Variants in LNPK observed in about 807,000 individuals in gnomAD.
The protein encoded by LNPK is lunapark, ER junction formation factor.
Under a neutral mutation model 55.2 loss-of-function variants are expected in LNPK, and 29 were observed. That is an observed-to-expected ratio of 0.53 (90% CI 0.39 to 0.72). LNPK has a LOEUF of 0.72. Ranked by LOEUF, LNPK falls within the 30% of genes least tolerant of loss-of-function variation. The probability of loss-of-function intolerance (pLI) is 0.00; values close to 1 mark genes in which losing one functional copy is unlikely to be tolerated. For missense variants in LNPK, 467 were observed against 494.8 expected (o/e 0.94, Z 0.53); for synonymous variants, 162 against 168.2 (o/e 0.96, Z 0.29).
intron 8 of LNPK, among the ~76,000 whole-genome samples, chr2:175,960,690 G>A (rs1387980948): frequency 6.6e-6 from 1 of 152,044 alleles, no homozygotes; most frequent in Non-Finnish European, 1.5e-5. Context: ...GCTAGCAGAA[G>A]GCTAGAAATA....
Position 175,987,340 on chromosome 2 carries a change from G to T in LNPK, c.257+4891C>A, listed in dbSNP as rs141057681. On this transcript the variant is annotated intron_variant, in intron 4 of 12. Transcript: ENST00000272748. ...CATATACACCACGGAATACTATGCAGCCATAAAAAATGATGAGTTCATGTC... is the reference window on the plus strand; with the variant it reads ...CATATACACCACGGAATACTATGCATCCATAAAAAATGATGAGTTCATGTC... Among the ~76,000 whole-genome samples the T allele has an allele frequency of 1.6e-4, 25 of 152,260 alleles. 2 individuals carry two copies. The East Asian group carries it at 4.8e-3, about 29-fold the overall frequency.
chr2:175,943,376 TACTC>T (rs1684955374), intron 9 of LNPK, among the ~76,000 whole-genome samples: 2 of 151,946 alleles, frequency 1.3e-5, no homozygotes, highest in Admixed American at 6.6e-5. Flanking sequence ...AGGGAATACT[TACTC>T]ATAACGTTAT....
At chr2:175,978,166 AAAT>A (rs1183775494) in intron 5 of LNPK, among the ~76,000 whole-genome samples, 1 of 152,236 alleles carries the variant, frequency 6.6e-6, no homozygotes, top group Non-Finnish European at 1.5e-5. Flanking sequence ...AAAAAATTAA[AAAT>A]AACAACAATA....
chr2:175,962,109 G>A (rs1686066132), intron 8 of LNPK, among the ~76,000 whole-genome samples: 1 of 152,096 alleles, frequency 6.6e-6, no homozygotes, highest in African/African-American at 2.4e-5. Context: ...AATCAATATC[G>A]TGAAAATGGA....
chr2:175,955,073 G>A (rs1195936641), intron 8 of LNPK, among the ~76,000 whole-genome samples: 1 of 152,168 alleles, frequency 6.6e-6, no homozygotes, highest in Non-Finnish European at 1.5e-5. Flanking sequence ...GATAAACAAT[G>A]AAAACTGGAT....
chr2:175,985,616 A>G (rs373741436), intron 4 of LNPK, among the ~76,000 whole-genome samples: 1 of 152,314 alleles, frequency 6.6e-6, no homozygotes, highest in African/African-American at 2.4e-5. Context: ...TCTCAGTGAT[A>G]TATGTTCCAT....
intron 4 of LNPK, among the ~76,000 whole-genome samples, chr2:175,991,879 T>G (rs1194804395): frequency 2.0e-5 from 3 of 152,172 alleles, no homozygotes; most frequent in African/African-American, 7.2e-5. Flanking sequence ...TCAGAATAAT[T>G]TGAGCAGTTA....
In LNPK at chr2:175,927,807, T is replaced by A. The variant is rs1180184689; in HGVS notation, c.*2160A>T. The A allele has an allele frequency of 6.9e-6, 1 of 145,892 alleles. No homozygotes were observed. Among genetic ancestry groups the A allele is most frequent in the Non-Finnish European group, 1.5e-5 (1 of 64,850 alleles). The allele number at this position is 145,892 out of a possible 1,614,324, so 9.0% of individuals were successfully genotyped here. On this transcript the variant is annotated 3_prime_UTR_variant, in exon 13 of 13. Coordinates refer to ENST00000272748, the MANE Select transcript of LNPK (RefSeq NM_030650.3). ...TATAATAATAATGAAAATAAGCTTTTGTATCTAAAAGGATACTATATGGTT... is the reference window on the plus strand; with the variant it reads ...TATAATAATAATGAAAATAAGCTTTAGTATCTAAAAGGATACTATATGGTT...
chr2:175,934,410 T>G (rs891644427), intron 12 of LNPK, among the ~76,000 whole-genome samples: 2 of 152,198 alleles, frequency 1.3e-5, no homozygotes, highest in Non-Finnish European at 2.9e-5. Flanking sequence ...CTATTTTTGA[T>G]AGTATTGATT....
chr2:175,967,898 A>G (rs986282862), intron 6 of LNPK: 36 of 345,228 alleles, frequency 1.0e-4, no homozygotes, highest in Non-Finnish European at 2.5e-5. Context: ...TAAGAACTCT[A>G]TAGAGAATAA....
chr2:175,977,631 T>C (rs1686970083), intron 5 of LNPK, among the ~76,000 whole-genome samples: 1 of 152,196 alleles, frequency 6.6e-6, no homozygotes, highest in South Asian at 2.1e-4. Flanking sequence ...AGCTGATTAC[T>C]GGCTTTGACA....
At chr2:175,932,243 C>A in intron 12 of LNPK, 4 of 447,672 alleles carry the variant, frequency 8.9e-6, no homozygotes, top group South Asian at 6.3e-5. Flanking sequence ...ATAGACTTTA[C>A]TAGTCAAAGC....
chr2:175,995,753 A>T, intron 1 of LNPK, 107 bp from the exon 2 acceptor site: 1 of 289,142 alleles, frequency 3.5e-6, no homozygotes, highest in Non-Finnish European at 6.7e-6. Context: ...ATTTATTTGG[A>T]TGCCACATAT....
At chr2:175,958,792 C>G (rs778511534) in intron 8 of LNPK, among the ~76,000 whole-genome samples, 1 of 152,072 alleles carries the variant, frequency 6.6e-6, no homozygotes, top group African/African-American at 2.4e-5. Context: ...GGAGGATGTT[C>G]GAACCCATCG....
In LNPK at chr2:175,941,849, AAC is replaced by A. The variant is rs1261403797; in HGVS notation, c.707-2194_707-2193del. Among the ~76,000 whole-genome samples, 11 of 137,690 alleles carry A rather than the reference AAC, an allele frequency of 8.0e-5. No individual in the cohort carries two copies. In the South Asian group the frequency reaches 2.3e-3, roughly 29 times the overall value. The allele number at this position is 137,690 out of a possible 152,430, so 90.3% of individuals were successfully genotyped here. A position where few individuals can be genotyped will look rare whatever the true frequency, so the allele number is the denominator to read the frequency against. Reference sequence around the variant, plus strand: ...AGAGAGAGAAATCTTAAAAAAAAAAAACAAAAAAAAAATACATTATGTACAGA... The same window carrying A: ...AGAGAGAGAAATCTTAAAAAAAAAAAAAAAAAAAAATACATTATGTACAGA... On this transcript the variant is annotated intron_variant, in intron 9 of 12. Transcript: ENST00000272748.
In LNPK at chr2:175,979,813, T is replaced by C. The variant is rs1157908754; in HGVS notation, c.313A>G (p.Asn105Asp). ...IFFFSKRTER[N>D]NEALDDLKSQ... is the part of the protein sequence containing the mutation. ...TAAAAATTGGAATTAAACTTACTATTTCTTTCTGTTCTCTTGGAAAAGAAG... is the reference window on the plus strand; with the variant it reads ...TAAAAATTGGAATTAAACTTACTATCTCTTTCTGTTCTCTTGGAAAAGAAG... Residue 105 changes from asparagine to aspartate, a missense_variant, in exon 5 of 13, where the codon AAT becomes GAT. Physicochemically the swap from Asn to Asp is conservative, Grantham distance 23. Transcript: ENST00000272748. 6.4e-7 allele frequency: 1 copy of C among 1,567,446 alleles called. No homozygotes were observed. Among genetic ancestry groups the C allele is most frequent in the African/African-American group, 1.4e-5 (1 of 72,894 alleles).
intron 3 of LNPK, among the ~76,000 whole-genome samples, chr2:175,992,624 C>CAA (rs573909602): frequency 1.0e-3 from 155 of 152,088 alleles, no homozygotes; most frequent in African/African-American, 3.3e-3. Flanking sequence ...CTTATTCTAA[C>CAA]ATCATTTTTA....
intron 4 of LNPK, among the ~76,000 whole-genome samples, chr2:175,981,704 G>A (rs1318719102): frequency 6.6e-6 from 1 of 152,176 alleles, no homozygotes; most frequent in Non-Finnish European, 1.5e-5. Flanking sequence ...TAACAGCAGA[G>A]GGAGTAAAGA....
In LNPK at chr2:175,925,670, T is replaced by G. The variant is rs1683980704; in HGVS notation, c.*4297A>C. ...GTGGCAGATTCATTTTCTTTCTTTC[T>G]TTTTTTTTTTTGAGATGGAGTTTCA... On this transcript the variant is annotated 3_prime_UTR_variant, in exon 13 of 13. Coordinates refer to ENST00000272748, the MANE Select transcript of LNPK (RefSeq NM_030650.3). 6.8e-6 allele frequency: 1 copy of G among 148,008 alleles called. No homozygotes were observed. Among genetic ancestry groups the G allele is most frequent in the African/African-American group, 2.5e-5 (1 of 40,010 alleles). The allele number at this position is 148,008 out of a possible 1,614,324, so 9.2% of individuals were successfully genotyped here. A position where few individuals can be genotyped will look rare whatever the true frequency, so the allele number is the denominator to read the frequency against.
Sources: allele counts gnomAD v4.1 joint callset (sites outside exome capture counted in the v4.1 genomes callset), GRCh38; gene constraint gnomAD v4.1.1; transcripts MANE v1.5; gene names NCBI Gene and HGNC (gene_info 2026-07-23, HGNC 2026-07-21).